Variants in AGPS observed in about 807,000 individuals in gnomAD.
AGPS encodes alkyldihydroxyacetonephosphate synthase, peroxisomal.
In AGPS, 26 loss-of-function variants were observed where a neutral mutation model predicts 90.7. That is an observed-to-expected ratio of 0.29 (90% CI 0.21 to 0.40). AGPS has a LOEUF of 0.40. Among genes scored for constraint, AGPS ranks in the 10% least tolerant of loss-of-function variants. The pLI is 1.00. For missense variants in AGPS, 540 were observed against 816.1 expected, an observed-to-expected ratio of 0.66 and a Z score of 4.12; for synonymous variants, 294 against 285.3, an observed-to-expected ratio of 1.03 and a Z score of -0.31.
intron 18 of AGPS, among the ~76,000 whole-genome samples, chr2:177,522,292 C>G (rs1369936466): frequency 6.6e-6 from 1 of 152,132 alleles, no homozygotes; most frequent in Non-Finnish European, 1.5e-5. Context: ...CTGTACAGTA[C>G]CACAGAGTGA....
chr2:177,465,676 A>G (rs1031707774), intron 9 of AGPS, among the ~76,000 whole-genome samples: 8 of 152,354 alleles, frequency 5.3e-5, no homozygotes, highest in Middle Eastern at 3.4e-3. Context: ...GCATACTGCA[A>G]GCAGCTTCCA....
chr2:177,482,267 A>C (rs1687969091), intron 11 of AGPS, 81 bp downstream of exon 11: 1 of 770,506 alleles, frequency 1.3e-6, no homozygotes, highest in Admixed American at 2.9e-5. Context: ...TACATAGTTG[A>C]TTGTGATATG....
chr2:177,420,407 C>A, intron 2 of AGPS, 49 bp downstream of exon 2: 1 of 1,392,804 alleles, frequency 7.2e-7, no homozygotes, highest in Non-Finnish European at 1.0e-6. Flanking sequence ...TTCTTTCTTT[C>A]TATGAAAAAT....
At chr2:177,460,317 T>TAA (rs58426500) in intron 8 of AGPS, among the ~76,000 whole-genome samples, 5 of 150,954 alleles carry the variant, frequency 3.3e-5, no homozygotes, top group African/African-American at 9.7e-5. Context: ...AGTATAATGA[T>TAA]AAAAAAAAAT....
chr2:177,439,563 T>C (rs1334965913), intron 5 of AGPS, among the ~76,000 whole-genome samples: 1 of 152,194 alleles, frequency 6.6e-6, no homozygotes, highest in African/African-American at 2.4e-5. Context: ...AGCTTGAAAA[T>C]AGATATTTAT....
intron 10 of AGPS, among the ~76,000 whole-genome samples, chr2:177,477,953 G>T (rs949910339): frequency 3.9e-5 from 6 of 152,130 alleles, no homozygotes; most frequent in Non-Finnish European, 7.4e-5. Flanking sequence ...TAAAATAGAA[G>T]AAGACTCAAA....
At chr2:177,453,394 C>A (rs999441034) in intron 8 of AGPS, among the ~76,000 whole-genome samples, 1 of 151,826 alleles carries the variant, frequency 6.6e-6, no homozygotes, top group Non-Finnish European at 1.5e-5. Flanking sequence ...GCCTCAGCCT[C>A]CAGAGTAGCT....
chr2:177,537,658 C>A (rs2079195661), intron 19 of AGPS, among the ~76,000 whole-genome samples: 2 of 152,080 alleles, frequency 1.3e-5, no homozygotes, highest in African/African-American at 4.8e-5. Flanking sequence ...GTCATTTTTG[C>A]TGAATTTACC....
intron 1 of AGPS, among the ~76,000 whole-genome samples, chr2:177,414,079 T>TAGA (rs1370621836): frequency 6.6e-6 from 1 of 152,188 alleles, no homozygotes; most frequent in African/African-American, 2.4e-5. Flanking sequence ...CCTGTGCCTC[T>TAGA]GTTTAGAATT....
chr2:177,399,149 C>G (rs1685263687), intron 1 of AGPS, among the ~76,000 whole-genome samples: 1 of 152,196 alleles, frequency 6.6e-6, no homozygotes, highest in Non-Finnish European at 1.5e-5. Context: ...TGTTTTTAGG[C>G]TGCAGAGAAA....
At chr2:177,470,633 G>C (rs1232593447) in intron 10 of AGPS, among the ~76,000 whole-genome samples, 1 of 150,458 alleles carries the variant, frequency 6.6e-6, no homozygotes, top group Non-Finnish European at 1.5e-5. Flanking sequence ...GAACCCGGGA[G>C]GCAGAGATTA....
At chr2:177,393,452 C>G (rs112489893) in intron 1 of AGPS, 1 of 985,188 alleles carries the variant, frequency 1.0e-6, no homozygotes. Flanking sequence ...GATGATAGAT[C>G]ATAGGAATCT....
Position 177,448,283 on chromosome 2 carries a change from T to C in AGPS, c.870+2657T>C, listed in dbSNP as rs1574375752. Among the ~76,000 whole-genome samples the C allele has an allele frequency of 3.3e-5, 5 of 152,320 alleles. No individual in the cohort carries two copies. In the Middle Eastern group the frequency reaches 0.01, roughly 311 times the overall value. ...TACTTCGTGGGGTTTTTCATCAAGATGAAATAAGTTAATAATGTGAACTAC... is the reference window on the plus strand; with the variant it reads ...TACTTCGTGGGGTTTTTCATCAAGACGAAATAAGTTAATAATGTGAACTAC... On this transcript the variant is annotated intron_variant, in intron 8 of 19. Coordinates refer to ENST00000264167, the MANE Select transcript of AGPS (RefSeq NM_003659.4).
intron 19 of AGPS, among the ~76,000 whole-genome samples, chr2:177,529,028 TG>T (rs1376622044): frequency 6.6e-6 from 1 of 151,892 alleles, no homozygotes; most frequent in Non-Finnish European, 1.5e-5. Flanking sequence ...GCTAATTTTT[TG>T]TATTTTTAGT....
chr2:177,392,989 C>T lies in AGPS; in HGVS notation c.200C>T (p.Ala67Val), dbSNP rs1454806934. Residue 67 changes from alanine (A) to valine (V), a missense_variant, in exon 1 of 20, where the codon GCC (alanine) becomes GTC (valine). By Grantham distance (64) the Ala-to-Val change is moderately conservative (BLOSUM62 0). This residue lies in a region of AGPS where 135 missense variants were observed against 124.0 expected (regional missense o/e 1.09). Transcript: ENST00000264167. The stretch of plus-strand genomic sequence containing the variant: ...AAAGCGCGGAGAGCCGCGTCGGCGG[C>T]CACGGCAGCGCCCACGGCCACTCCC... ...ECKARRAASA[A>V]TAAPTATPAA... 2.6e-6 allele frequency: 4 copies of T among 1,550,082 alleles called. No homozygotes were observed. In the East Asian group the frequency reaches 9.8e-5, roughly 38 times the overall value.
chr2:177,494,800 G>A (rs1688366619), intron 12 of AGPS, among the ~76,000 whole-genome samples: 1 of 152,086 alleles, frequency 6.6e-6, no homozygotes, highest in African/African-American at 2.4e-5. Flanking sequence ...TTGAAATACA[G>A]ATCTGATCAT....
chr2:177,523,073 G>C (rs955378086), intron 18 of AGPS, among the ~76,000 whole-genome samples: 8 of 152,024 alleles, frequency 5.3e-5, no homozygotes, highest in African/African-American at 1.9e-4. Flanking sequence ...GTAAAACGAG[G>C]TTTTTCTTTT....
intron 16 of AGPS, among the ~76,000 whole-genome samples, chr2:177,512,235 T>C (rs1202432968): frequency 6.6e-6 from 1 of 152,022 alleles, no homozygotes; most frequent in African/African-American, 2.4e-5. Flanking sequence ...ATATTAAATA[T>C]CAGTCATCTA....
intron 13 of AGPS, 83 bp downstream of exon 13, chr2:177,497,848 G>A (rs1436219428): frequency 3.2e-6 from 2 of 619,682 alleles, no homozygotes; most frequent in Non-Finnish European, 5.4e-6. Flanking sequence ...CCTATTGTAA[G>A]GGTGTTTTTC....
Sources: allele counts gnomAD v4.1 joint callset (sites outside exome capture counted in the v4.1 genomes callset), GRCh38; gene constraint gnomAD v4.1.1; regional missense constraint gnomAD v4.1.1; transcripts MANE v1.5; gene names NCBI Gene and HGNC (gene_info 2026-07-23, HGNC 2026-07-21).